Variants in SPECC1 observed in about 807,000 individuals in gnomAD.
SPECC1 encodes the protein sperm antigen with calponin homology and coiled-coil domains 1, also known as cytospin-B.
A neutral mutation model predicts 104.1 loss-of-function variants in SPECC1; 62 were observed. The ratio of observed to expected loss-of-function variants is 0.60; its 90% CI spans 0.49 to 0.74. The LOEUF is 0.74. Among genes scored for constraint, SPECC1 ranks in the 30% least tolerant of loss-of-function variants. The probability of loss-of-function intolerance (pLI) is 0.00; values close to 1 mark genes in which losing one functional copy is unlikely to be tolerated. For synonymous variants in SPECC1, 513 were observed against 501.6 expected (o/e 1.02, Z -0.30); for missense variants, 1,306 against 1,310.5 (o/e 1.00, Z 0.05).
chr17:20,268,716 G>T (rs1411871173), intron 12 of SPECC1, among the ~76,000 whole-genome samples: 4 of 152,298 alleles, frequency 2.6e-5, no homozygotes, highest in African/African-American at 9.6e-5. Flanking sequence ...TGGCACAGGT[G>T]TTGTCCTACA....
Position 20,315,218 on chromosome 17 carries a change from A to C in SPECC1, c.*1153A>C, listed in dbSNP as rs1303546154. The C allele has an allele frequency of 4.3e-6, 1 of 232,614 alleles. No individual in the cohort carries two copies. Among genetic ancestry groups the C allele is most frequent in the Non-Finnish European group, 8.5e-6 (1 of 117,744 alleles). The allele number at this position is 232,614 out of a possible 1,614,324, so 14.4% of individuals were successfully genotyped here. A position where few individuals can be genotyped will look rare whatever the true frequency, so the allele number is the denominator to read the frequency against. On this transcript the variant is annotated 3_prime_UTR_variant, in exon 15 of 15. Coordinates refer to ENST00000395527, the MANE Select transcript of SPECC1 (RefSeq NM_001243439.2). ...TCGGCTCTGGACTGATTTGGCCTTTAGTGCTTCCCCAGGCCTCTTTCATCG... is the reference window on the plus strand; with the variant it reads ...TCGGCTCTGGACTGATTTGGCCTTTCGTGCTTCCCCAGGCCTCTTTCATCG...
chr17:20,209,692 T>C (rs1293806321), intron 4 of SPECC1, among the ~76,000 whole-genome samples: 1 of 152,236 alleles, frequency 6.6e-6, no homozygotes, highest in East Asian at 1.9e-4. Flanking sequence ...AGGACGGGTC[T>C]GATTTCCACA....
intron 10 of SPECC1, among the ~76,000 whole-genome samples, chr17:20,255,939 G>A (rs952036226): frequency 6.6e-6 from 1 of 151,732 alleles, no homozygotes; most frequent in Admixed American, 6.6e-5. Context: ...GTGCAGTGGC[G>A]TGAGCTCGGC....
At chr17:20,173,658 A>C (rs1006775455) in intron 3 of SPECC1, among the ~76,000 whole-genome samples, 1 of 152,210 alleles carries the variant, frequency 6.6e-6, no homozygotes, top group African/African-American at 2.4e-5. Flanking sequence ...TTAGACCTCA[A>C]CCGTGGTGAA....
chr17:20,185,608 G>A (rs1231047307), intron 3 of SPECC1, among the ~76,000 whole-genome samples: 1 of 152,224 alleles, frequency 6.6e-6, no homozygotes, highest in Non-Finnish European at 1.5e-5. Flanking sequence ...GTTGTGTTAA[G>A]TGATGAGGTT....
chr17:20,247,232 G>C lies in SPECC1; in HGVS notation c.2511G>C (p.Gln837His). The C allele has an allele frequency of 2.5e-6, 4 of 1,613,354 alleles. No homozygotes were observed. Among genetic ancestry groups the C allele is most frequent in the Non-Finnish European group, 3.4e-6 (4 of 1,179,638 alleles). ...TTTTCTTGGCAGGTGGAGCTGGACA[G>C]AATATTTCTGTCCATAAGACCCCCA... ...FDLGRPGGAG[Q>H]NISVHKTPRS... The change falls in exon 9 of 15, where the codon CAG (glutamine) becomes CAC (histidine). Residue 837 changes from glutamine (Q) to histidine (H), a missense_variant. Transcript: ENST00000395527.
At chr17:20,060,738 G>A (rs912793181) in intron 1 of SPECC1, among the ~76,000 whole-genome samples, 11 of 152,138 alleles carry the variant, frequency 7.2e-5, no homozygotes, top group African/African-American at 2.7e-4. Context: ...TTGTATTTAT[G>A]CCACTCACCA....
chr17:20,071,876 T>G (rs1351651620), intron 1 of SPECC1, among the ~76,000 whole-genome samples: 1 of 152,230 alleles, frequency 6.6e-6, no homozygotes. Flanking sequence ...TTAATAGATT[T>G]ACAGTCTAAT....
intron 1 of SPECC1, among the ~76,000 whole-genome samples, chr17:20,032,599 G>C (rs2044862295): frequency 6.6e-6 from 1 of 151,920 alleles, no homozygotes; most frequent in African/African-American, 2.4e-5. Context: ...TTCAACTCCG[G>C]AATTTCCATT....
intron 3 of SPECC1, among the ~76,000 whole-genome samples, chr17:20,129,609 C>T (rs2049502446): frequency 6.6e-6 from 1 of 152,084 alleles, no homozygotes; most frequent in Non-Finnish European, 1.5e-5. Context: ...TCTTTTCAAC[C>T]TTATAACAGG....
chr17:20,079,087 G>T (rs1422577334), intron 1 of SPECC1, among the ~76,000 whole-genome samples: 1 of 152,120 alleles, frequency 6.6e-6, no homozygotes, highest in African/African-American at 2.4e-5. Flanking sequence ...ATGCTTAAAG[G>T]TCTTAACTTA....
Position 20,097,112 on chromosome 17 carries a change from G to A in SPECC1, c.147+314G>A, listed in dbSNP as rs1028089519. 2.6e-5 allele frequency among the ~76,000 whole-genome samples: 4 copies of A among 152,144 alleles called. No individual in the cohort carries two copies. In the East Asian group the frequency reaches 7.7e-4, roughly 29 times the overall value. ...CTGGATAGGGGTCGAGGTCATGCAC[G>A]ATCTTTGCAGCCCCCCACAATCCAG... On this transcript the variant is annotated intron_variant, in intron 2 of 14. Transcript: ENST00000395527.
chr17:20,253,663 CTG>C, intron 10 of SPECC1, 77 bp downstream of exon 10: 1 of 1,360,516 alleles, frequency 7.4e-7, no homozygotes, highest in Non-Finnish European at 1.0e-6. Context: ...CTGCATGAAA[CTG>C]AGCTTAGAAA....
chr17:20,200,330 A>G (rs1190896989), intron 3 of SPECC1, among the ~76,000 whole-genome samples: 1 of 152,230 alleles, frequency 6.6e-6, no homozygotes, highest in African/African-American at 2.4e-5. Flanking sequence ...GATTGACCAC[A>G]GTATAATTTT....
intron 1 of SPECC1, chr17:20,073,786 A>G (rs1044670619): frequency 2.0e-5 from 3 of 152,190 alleles, no homozygotes; most frequent in Non-Finnish European, 2.9e-5. Context: ...TTTAGGTACA[A>G]TGTCTTACAG....
intron 1 of SPECC1, among the ~76,000 whole-genome samples, chr17:20,043,565 C>T (rs1156927197): frequency 1.3e-5 from 2 of 152,026 alleles, no homozygotes; most frequent in East Asian, 1.9e-4. Context: ...TGAAATTGTT[C>T]CACGCGGGGC....
chr17:20,124,178 G>A (rs1277617716), intron 3 of SPECC1, among the ~76,000 whole-genome samples: 1 of 152,138 alleles, frequency 6.6e-6, no homozygotes, highest in African/African-American at 2.4e-5. Flanking sequence ...AACAGGGAGG[G>A]GAAGAGGATG....
intron 14 of SPECC1, among the ~76,000 whole-genome samples, chr17:20,308,505 CA>C (rs1440482061): frequency 6.6e-6 from 1 of 151,460 alleles, no homozygotes; most frequent in Non-Finnish European, 1.5e-5. Flanking sequence ...AGTGCTATGC[CA>C]GTGTAATTTT....
At chr17:20,245,854 T>G in intron 7 of SPECC1, 72 bp from the exon 8 acceptor site, 1 of 1,564,212 alleles carries the variant, frequency 6.4e-7, no homozygotes, top group Non-Finnish European at 8.8e-7. Flanking sequence ...TCAGTTCTGT[T>G]TTCCTCTGTG....
Sources: gnomAD v4.1 joint callset for allele counts (sites outside exome capture counted in the v4.1 genomes callset) on GRCh38, gnomAD v4.1.1 for gene constraint, MANE v1.5 for transcripts, NCBI Gene and HGNC (gene_info 2026-07-23, HGNC 2026-07-21) for gene names.